FRMD5: variants seen among roughly 807,000 people sequenced by gnomAD.
FRMD5 encodes FERM domain containing 5.
In FRMD5, 20 loss-of-function variants were observed where a neutral mutation model predicts 69.0. That is an observed-to-expected ratio of 0.29 (90% CI 0.20 to 0.42). The LOEUF is 0.42. FRMD5 is among the 10% of genes least tolerant of loss of function. The pLI is 1.00. For missense variants in FRMD5, 595 were observed against 708.6 expected, an observed-to-expected ratio of 0.84 and a Z score of 1.82; for synonymous variants, 271 against 260.1, an observed-to-expected ratio of 1.04 and a Z score of -0.40.
At chr15:43,976,082 G>C (rs1393662127) in intron 1 of FRMD5, among the ~76,000 whole-genome samples, 1 of 148,652 alleles carries the variant, frequency 6.7e-6, no homozygotes, top group East Asian at 1.9e-4. Flanking sequence ...AAAAGGGAGA[G>C]GGAGACTTCA....
intron 1 of FRMD5, among the ~76,000 whole-genome samples, chr15:44,058,553 G>A (rs191933116): frequency 5.9e-5 from 9 of 152,256 alleles, no homozygotes; most frequent in Admixed American, 2.6e-4. Context: ...TTGGGAGGCC[G>A]AGGTGGGCAG....
intron 1 of FRMD5, among the ~76,000 whole-genome samples, chr15:44,067,336 C>CAAAGT (rs1261663928): frequency 1.3e-5 from 2 of 151,968 alleles, no homozygotes; most frequent in South Asian, 2.1e-4. Flanking sequence ...GCTTAGACAC[C>CAAAGT]AAAGTAAATG....
At position 44,114,654 on chromosome 15, in the gene FRMD5, G is replaced by C. The variant is rs553024886; in HGVS notation, c.102+80299C>G. 2.6e-5 allele frequency among the ~76,000 whole-genome samples: 4 copies of C among 152,276 alleles called. No individual in the cohort carries two copies. The East Asian group carries it at 7.7e-4, about 29-fold the overall frequency. On this transcript the variant is annotated intron_variant, in intron 1 of 13. Coordinates refer to ENST00000417257, the MANE Select transcript of FRMD5 (RefSeq NM_032892.5). ...TCCAGGTTATAATGCCAATGTGAAAGAATATGTTTACAAAGTTGAAAATCA... is the reference window on the plus strand; with the variant it reads ...TCCAGGTTATAATGCCAATGTGAAACAATATGTTTACAAAGTTGAAAATCA...
At chr15:44,192,563 A>C (rs2078214299) in intron 1 of FRMD5, among the ~76,000 whole-genome samples, 1 of 152,228 alleles carries the variant, frequency 6.6e-6, no homozygotes, top group Non-Finnish European at 1.5e-5. Context: ...TCCTATGCCC[A>C]GTATTTAACA....
At chr15:44,190,424 A>C (rs2078174395) in intron 1 of FRMD5, among the ~76,000 whole-genome samples, 1 of 152,140 alleles carries the variant, frequency 6.6e-6, no homozygotes, top group African/African-American at 2.4e-5. Flanking sequence ...GCAGAACTCT[A>C]ACACTCCATG....
At chr15:43,902,603 T>C (rs900241453) in intron 6 of FRMD5, among the ~76,000 whole-genome samples, 6 of 150,852 alleles carry the variant, frequency 4.0e-5, no homozygotes, top group Non-Finnish European at 8.9e-5. Flanking sequence ...GGTGGGAGGA[T>C]TGCTTGAGCC....
chr15:43,933,733 A>G (rs1226318533), intron 1 of FRMD5, among the ~76,000 whole-genome samples: 2 of 152,222 alleles, frequency 1.3e-5, no homozygotes, highest in Non-Finnish European at 2.9e-5. Flanking sequence ...AGGTTTTTAA[A>G]TTCTGCCTTT....
chr15:44,158,691 C>T (rs749838021), intron 1 of FRMD5, among the ~76,000 whole-genome samples: 4 of 152,110 alleles, frequency 2.6e-5, no homozygotes, highest in Non-Finnish European at 5.9e-5. Context: ...TAAAGAAGAG[C>T]CTACATTTAC....
chr15:43,874,483 T>C (rs757238848), intron 13 of FRMD5, 21 bp from the exon 14 acceptor site: 2 of 1,591,910 alleles, frequency 1.3e-6, no homozygotes, highest in East Asian at 4.5e-5. Flanking sequence ...AAAAGGAACA[T>C]GAGTAGGCTG....
intron 1 of FRMD5, among the ~76,000 whole-genome samples, chr15:43,935,176 T>C (rs962039107): frequency 7.2e-5 from 11 of 152,160 alleles, no homozygotes; most frequent in Admixed American, 2.6e-4. Context: ...CAGATGTCTT[T>C]TGGTCTATAA....
rs1250131096 is a variant in FRMD5 at position 44,132,588 on chromosome 15, C to A, written c.102+62365G>T. 2.0e-5 allele frequency among the ~76,000 whole-genome samples: 3 copies of A among 152,104 alleles called. No homozygotes were observed. In the South Asian group the frequency reaches 6.2e-4, roughly 32 times the overall value. ...GGACTACAGACATGTGCTATCACAC[C>A]CAGCTAATTTTTCTATTTTTCGTAG... On this transcript the variant is annotated intron_variant, in intron 1 of 13. Transcript: ENST00000417257.
At chr15:44,061,130 A>G (rs1022401743) in intron 1 of FRMD5, among the ~76,000 whole-genome samples, 14 of 152,222 alleles carry the variant, frequency 9.2e-5, no homozygotes, top group African/African-American at 3.1e-4. Context: ...AGATACATCA[A>G]TGGGGAAATC....
At chr15:43,898,500 T>C (rs981947722) in intron 7 of FRMD5, among the ~76,000 whole-genome samples, 3 of 152,192 alleles carry the variant, frequency 2.0e-5, no homozygotes, top group Non-Finnish European at 2.9e-5. Context: ...TCAAGACTCT[T>C]AACAACAAGG....
chr15:43,963,201 A>AATTTACAAGAATAAAAC lies in FRMD5; in HGVS notation c.103-38909_103-38893dup, dbSNP rs1391676240. On this transcript the variant is annotated intron_variant, in intron 1 of 13. Coordinates refer to ENST00000417257, the MANE Select transcript of FRMD5 (RefSeq NM_032892.5). Reference sequence around the variant, plus strand: ...CCAGAATCTACAATGAACTCAAACAAATTTACAAGAATAAAACAAACAACC... The same window carrying AATTTACAAGAATAAAAC: ...CCAGAATCTACAATGAACTCAAACAAATTTACAAGAATAAAACATTTACAAGAATAAAACAAACAACC... Among the ~76,000 whole-genome samples the AATTTACAAGAATAAAAC allele has an allele frequency of 2.3e-4, 35 of 152,360 alleles. 2 individuals are homozygous for AATTTACAAGAATAAAAC. Among genetic ancestry groups the AATTTACAAGAATAAAAC allele is most frequent in the African/African-American group, 8.2e-4 (34 of 41,586 alleles).
intron 1 of FRMD5, among the ~76,000 whole-genome samples, chr15:44,157,125 A>G (rs1407453388): frequency 6.6e-6 from 1 of 152,220 alleles, no homozygotes; most frequent in Non-Finnish European, 1.5e-5. Context: ...TATTAAATAC[A>G]TACAATAATT....
At chr15:44,046,380 A>G (rs1892430019) in intron 1 of FRMD5, among the ~76,000 whole-genome samples, 1 of 152,216 alleles carries the variant, frequency 6.6e-6, no homozygotes, top group Non-Finnish European at 1.5e-5. Flanking sequence ...TTGATGACAA[A>G]TGACAGAAAA....
At chr15:44,080,449 A>G (rs1440418337) in intron 1 of FRMD5, among the ~76,000 whole-genome samples, 2 of 152,136 alleles carry the variant, frequency 1.3e-5, no homozygotes, top group Non-Finnish European at 2.9e-5. Context: ...CTACATTTCT[A>G]AATCTACCTT....
At chr15:44,005,386 A>G (rs989338565) in intron 1 of FRMD5, among the ~76,000 whole-genome samples, 10 of 146,960 alleles carry the variant, frequency 6.8e-5, no homozygotes, top group African/African-American at 1.3e-4. Context: ...CAGGAGAATC[A>G]CTTGAACCCG....
intron 1 of FRMD5, among the ~76,000 whole-genome samples, chr15:43,963,991 G>T (rs1279786077): frequency 6.6e-6 from 1 of 151,772 alleles, no homozygotes; most frequent in Non-Finnish European, 1.5e-5. Flanking sequence ...CACCAACATG[G>T]CACATGTATA....
Sources: allele counts gnomAD v4.1 joint callset (sites outside exome capture counted in the v4.1 genomes callset), GRCh38; gene constraint gnomAD v4.1.1; transcripts MANE v1.5; gene names NCBI Gene and HGNC (gene_info 2026-07-23, HGNC 2026-07-21).